The following CLHC1 variants were observed in gnomAD, a reference collection of about 807,000 sequenced individuals.
The protein encoded by CLHC1 is clathrin heavy chain linker domain containing 1, also known as clathrin heavy chain linker domain-containing protein 1.
A neutral mutation model predicts 69.5 loss-of-function variants in CLHC1; 72 were observed. That is an observed-to-expected ratio of 1.04 (90% CI 0.86 to 1.26). The LOEUF is 1.26. Among genes scored for constraint, CLHC1 ranks in the 50% most tolerant of loss-of-function variants. The probability of loss-of-function intolerance (pLI) is 0.00; values close to 1 mark genes in which losing one functional copy is unlikely to be tolerated. For synonymous variants in CLHC1, 223 were observed against 224.3 expected, an observed-to-expected ratio of 0.99 and a Z score of 0.05; for missense variants, 790 against 679.3, an observed-to-expected ratio of 1.16 and a Z score of -1.81.
intron 4 of CLHC1, chr2:55,215,259 C>T (rs2103990298): frequency 6.6e-6 from 1 of 152,246 alleles, no homozygotes; most frequent in Non-Finnish European, 1.5e-5. Context: ...ATCAGAAAGT[C>T]AAAATCAGGG....
At chr2:55,196,617 G>A (rs1246156197) in intron 9 of CLHC1, among the ~76,000 whole-genome samples, 2 of 152,156 alleles carry the variant, frequency 1.3e-5, no homozygotes, top group Non-Finnish European at 2.9e-5. Context: ...GTCTTGAAAG[G>A]AAGGACCCAA....
intron 5 of CLHC1, among the ~76,000 whole-genome samples, chr2:55,210,816 ACTCT>A (rs920141893): frequency 6.6e-6 from 1 of 151,628 alleles, no homozygotes; most frequent in African/African-American, 2.4e-5. Flanking sequence ...ATTATTCATA[ACTCT>A]CTCTCTTTCT....
intron 9 of CLHC1, among the ~76,000 whole-genome samples, chr2:55,199,062 C>T (rs977562850): frequency 3.3e-5 from 5 of 151,760 alleles, no homozygotes; most frequent in African/African-American, 7.3e-5. Flanking sequence ...TTTGGGAGAC[C>T]GAGGTGGGAG....
chr2:55,180,486 C>G, intron 11 of CLHC1, 24 bp downstream of exon 11: 1 of 1,575,004 alleles, frequency 6.3e-7, no homozygotes, highest in Middle Eastern at 1.7e-4. Context: ...CAAATGTATA[C>G]AAATGGCAGA....
intron 9 of CLHC1, among the ~76,000 whole-genome samples, chr2:55,198,838 G>A (rs1238222341): frequency 6.6e-6 from 1 of 152,112 alleles, no homozygotes; most frequent in Non-Finnish European, 1.5e-5. Flanking sequence ...AACCTCACAG[G>A]CCAGGAGAGA....
intron 12 of CLHC1, among the ~76,000 whole-genome samples, 160 bp downstream of exon 12, chr2:55,177,442 T>A (rs1394520873): frequency 6.6e-6 from 1 of 152,200 alleles, no homozygotes; most frequent in Non-Finnish European, 1.5e-5. Flanking sequence ...ACCAATAGAT[T>A]ATTATTTACA....
chr2:55,180,537 T>G lies in CLHC1; in HGVS notation c.1357A>C (p.Ile453Leu). ...QGQTHRVMEYIQQLKDFTTDD... is the reference protein window; with the variant it reads ...QGQTHRVMEYLQQLKDFTTDD... ...GTAGTAAAGTCCTTCAACTGCTGTA[T>G]GTACTCCATGACCCTATGAGTCTGA... Residue 453 changes from isoleucine to leucine, a missense_variant, in exon 11 of 13, where the codon ATA (isoleucine) becomes CTA (leucine). Physicochemically the swap from Ile to Leu is conservative, Grantham distance 5 (BLOSUM62 2). Transcript: ENST00000401408. 6.2e-7 allele frequency: 1 copy of G among 1,614,054 alleles called. No homozygotes were observed. The highest frequency in any genetic ancestry group is 8.5e-7 in the Non-Finnish European group (1 of 1,179,904).
At chr2:55,231,737 C>G (rs77044823) in intron 1 of CLHC1, among the ~76,000 whole-genome samples, 2 of 152,178 alleles carry the variant, frequency 1.3e-5, no homozygotes, top group Admixed American at 1.3e-4. Flanking sequence ...CATACATACT[C>G]CAAAAACTTC....
chr2:55,228,585 G>A (rs1470260626), intron 1 of CLHC1, among the ~76,000 whole-genome samples: 1 of 152,224 alleles, frequency 6.6e-6, no homozygotes, highest in Admixed American at 6.5e-5. Context: ...AAGCAGAAAA[G>A]GCAGTGTGAC....
At chr2:55,228,292 T>A (rs1324123763) in intron 1 of CLHC1, 88 bp from the exon 2 acceptor site, 10 of 152,254 alleles carry the variant, frequency 6.6e-5, no homozygotes, top group African/African-American at 2.4e-4. Context: ...ATAATGCAGT[T>A]TCTAGCAGAG....
chr2:55,207,102 G>A (rs368235192), intron 8 of CLHC1, among the ~76,000 whole-genome samples: 1 of 151,592 alleles, frequency 6.6e-6, no homozygotes, highest in Non-Finnish European at 1.5e-5. Context: ...GCGACAGAGT[G>A]AGACTCCGTC....
At chr2:55,187,136 T>C (rs946308426) in intron 9 of CLHC1, among the ~76,000 whole-genome samples, 9 of 151,360 alleles carry the variant, frequency 5.9e-5, no homozygotes, top group Non-Finnish European at 1.2e-4. Context: ...ATAAAAGAAA[T>C]TAGCCAGGCA....
At chr2:55,222,582 A>G (rs1481901406) in intron 2 of CLHC1, 89 bp from the exon 3 acceptor site, 1 of 532,170 alleles carries the variant, frequency 1.9e-6, no homozygotes, top group Non-Finnish European at 3.2e-6. Context: ...TTAGAAAAAA[A>G]TTTCCTATCT....
chr2:55,217,652 AG>A (rs1278080497), intron 4 of CLHC1, among the ~76,000 whole-genome samples, 158 bp downstream of exon 4: 2 of 149,120 alleles, frequency 1.3e-5, no homozygotes, highest in Non-Finnish European at 3.0e-5. Context: ...TAAACAATAC[AG>A]TAACTTCAAG....
chr2:55,189,187 C>T (rs1670689563), intron 9 of CLHC1, among the ~76,000 whole-genome samples: 1 of 151,750 alleles, frequency 6.6e-6, no homozygotes, highest in Admixed American at 6.6e-5. Flanking sequence ...GCCAAAAAGC[C>T]AAGATAGGAG....
chr2:55,184,340 A>C (rs946864634), intron 9 of CLHC1, among the ~76,000 whole-genome samples: 4 of 152,036 alleles, frequency 2.6e-5, no homozygotes, highest in Non-Finnish European at 5.9e-5. Flanking sequence ...TTCTGGGCCA[A>C]GCAATCTGCC....
In CLHC1 at chr2:55,209,275, G is replaced by A. The variant is rs529259462; in HGVS notation, c.814+129C>T. 508 of 622,940 alleles carry A rather than the reference G, an allele frequency of 8.2e-4. 4 individuals are homozygous for A. In the South Asian group the frequency reaches 0.01, roughly 13 times the overall value. 38.6% of individuals were successfully genotyped at this position (622,940 alleles called of 1,614,324 possible). On this transcript the variant is annotated intron_variant, in intron 7 of 12. Coordinates refer to ENST00000401408, the MANE Select transcript of CLHC1 (RefSeq NM_152385.4). ...GCTGTTGAAGGAAGAAACCCATAGC[G>A]TAACAGACAACCAGCTGAAGTATGA...
chr2:55,186,479 C>T (rs903389640), intron 9 of CLHC1, among the ~76,000 whole-genome samples: 1 of 152,174 alleles, frequency 6.6e-6, no homozygotes, highest in African/African-American at 2.4e-5. Flanking sequence ...TCTGGCTCAG[C>T]ACAGTGGCTC....
intron 10 of CLHC1, 53 bp from the exon 11 acceptor site, chr2:55,180,765 T>A: frequency 7.0e-7 from 1 of 1,432,566 alleles, no homozygotes; most frequent in Non-Finnish European, 9.8e-7. Flanking sequence ...GATGAGTGGC[T>A]GAGACTGAAA....
Sources: gnomAD v4.1 joint callset for allele counts (sites outside exome capture counted in the v4.1 genomes callset) on GRCh38, gnomAD v4.1.1 for gene constraint, MANE v1.5 for transcripts, NCBI Gene and HGNC (gene_info 2026-07-23, HGNC 2026-07-21) for gene names.